The following CCDC138 variants were observed in gnomAD, a reference collection of about 807,000 sequenced individuals.
CCDC138 encodes coiled-coil domain-containing protein 138.
CCDC138 carries 66 observed loss-of-function variants against 82.3 expected under a neutral mutation model. The ratio of observed to expected loss-of-function variants is 0.80; its 90% CI spans 0.66 to 0.98. The LOEUF (loss-of-function observed/expected upper bound fraction) is 0.98, where lower values mean the gene tolerates loss of function less well. CCDC138 is among the 50% of genes least tolerant of loss of function. The pLI is 0.00. For synonymous variants in CCDC138, 297 were observed against 265.4 expected (o/e 1.12, Z -1.16); for missense variants, 816 against 758.9 (o/e 1.08, Z -0.88).
intron 13 of CCDC138, 31 bp downstream of exon 13, chr2:108,857,001 A>C: frequency 7.6e-7 from 1 of 1,309,862 alleles, no homozygotes; most frequent in South Asian, 1.3e-5. Context: ...TGTGTAAAGA[A>C]AGCAGGATGA....
intron 13 of CCDC138, among the ~76,000 whole-genome samples, chr2:108,866,076 T>A (rs1477341989): frequency 6.6e-6 from 1 of 152,194 alleles, no homozygotes; most frequent in Non-Finnish European, 1.5e-5. Flanking sequence ...TTACTGGCTT[T>A]GATGTGACTG....
chr2:108,820,128 C>T (rs1030157729), intron 10 of CCDC138, among the ~76,000 whole-genome samples: 1 of 152,150 alleles, frequency 6.6e-6, no homozygotes, highest in Non-Finnish European at 1.5e-5. Context: ...GAGTCAGAGG[C>T]TGGGCACAGT....
At chr2:108,880,544 C>T (rs771139644), downstream of CCDC138, among the ~76,000 whole-genome samples, 13 of 152,166 alleles carry the variant, frequency 8.5e-5, no homozygotes, top group Non-Finnish European at 1.9e-4. Context: ...GACAGGCTGA[C>T]TCTCTTGTTA....
At chr2:108,821,357 C>CA (rs59575532) in intron 10 of CCDC138, among the ~76,000 whole-genome samples, 10,641 of 151,284 alleles carry the variant, frequency 0.07, 1,269 homozygotes, top group African/African-American at 0.24. Context: ...GACTCCGTCT[C>CA]AAAAAAAATA....
intron 10 of CCDC138, among the ~76,000 whole-genome samples, chr2:108,820,136 A>G (rs755315139): frequency 2.7e-4 from 41 of 152,208 alleles, no homozygotes; most frequent in Non-Finnish European, 5.1e-4. Context: ...GGCTGGGCAC[A>G]GTGGCTTACA....
intron 9 of CCDC138, among the ~76,000 whole-genome samples, chr2:108,813,639 T>TA (rs1684277330): frequency 6.6e-6 from 1 of 152,198 alleles, no homozygotes; most frequent in South Asian, 2.1e-4. Context: ...ATAAATTACA[T>TA]ATGGTAACAT....
chr2:108,818,702 T>A (rs1685173154), intron 10 of CCDC138, among the ~76,000 whole-genome samples: 1 of 152,182 alleles, frequency 6.6e-6, no homozygotes, highest in Non-Finnish European at 1.5e-5. Context: ...ATCTTTTTTT[T>A]GTTATCGGAC....
intron 10 of CCDC138, among the ~76,000 whole-genome samples, chr2:108,822,915 G>A (rs1365026662): frequency 6.6e-6 from 1 of 152,152 alleles, no homozygotes; most frequent in Non-Finnish European, 1.5e-5. Flanking sequence ...CTAGCTAGAT[G>A]AAGGGAGAAA....
intron 10 of CCDC138, among the ~76,000 whole-genome samples, chr2:108,825,007 C>T (rs776189620): frequency 1.3e-5 from 2 of 152,148 alleles, no homozygotes; most frequent in Non-Finnish European, 2.9e-5. Context: ...TGGAACTAGA[C>T]ATATGTATGG....
chr2:108,796,158 C>G (rs965315419), intron 5 of CCDC138, among the ~76,000 whole-genome samples: 3 of 152,150 alleles, frequency 2.0e-5, no homozygotes, highest in African/African-American at 7.2e-5. Context: ...ATGCCATTCT[C>G]CTGCCTCAGC....
chr2:108,832,215 C>T (rs561420831), intron 10 of CCDC138, among the ~76,000 whole-genome samples: 12 of 151,000 alleles, frequency 7.9e-5, no homozygotes, highest in South Asian at 2.1e-4. Context: ...TTAGTAGAGA[C>T]GGGGTTTTAC....
chr2:108,830,794 G>A (rs1455657327), intron 10 of CCDC138, among the ~76,000 whole-genome samples: 2 of 151,346 alleles, frequency 1.3e-5, no homozygotes, highest in African/African-American at 4.9e-5. Context: ...GGCAACAAGA[G>A]CAAAACTCCG....
At chr2:108,836,521 G>C (rs1574144566) in intron 10 of CCDC138, among the ~76,000 whole-genome samples, 1 of 152,176 alleles carries the variant, frequency 6.6e-6, no homozygotes, top group Non-Finnish European at 1.5e-5. Flanking sequence ...CATATACCCA[G>C]AAGTGGGATT....
chr2:108,824,112 G>C (rs1330087771), intron 10 of CCDC138, among the ~76,000 whole-genome samples: 2 of 151,930 alleles, frequency 1.3e-5, no homozygotes, highest in African/African-American at 2.4e-5. Flanking sequence ...AGACATGCAG[G>C]CTACAGTAAA....
At chr2:108,846,132 A>T (rs1690431184) in intron 11 of CCDC138, among the ~76,000 whole-genome samples, 1 of 152,182 alleles carries the variant, frequency 6.6e-6, no homozygotes, top group Non-Finnish European at 1.5e-5. Flanking sequence ...GATGTGCCTG[A>T]TAAGCTGGTT....
chr2:108,826,618 A>G (rs539818127), intron 10 of CCDC138, among the ~76,000 whole-genome samples: 19 of 152,268 alleles, frequency 1.2e-4, no homozygotes, highest in African/African-American at 4.6e-4. Flanking sequence ...CTATTTGTCT[A>G]TCCTTATGCC....
intron 9 of CCDC138, among the ~76,000 whole-genome samples, chr2:108,813,549 A>G (rs1264905347): frequency 1.3e-5 from 2 of 152,198 alleles, no homozygotes; most frequent in African/African-American, 4.8e-5. Flanking sequence ...TTGCTATTAT[A>G]TTTCAGTCAA....
intron 11 of CCDC138, among the ~76,000 whole-genome samples, chr2:108,843,125 T>C (rs913895440): frequency 2.0e-5 from 3 of 152,302 alleles, no homozygotes; most frequent in East Asian, 1.9e-4. Context: ...TCTATCTGTT[T>C]AGAGGACTTC....
At chr2:108,882,153 CAAA>C (rs1219596018) in intron 1 of CCDC138, 12 of 90,178 alleles carry the variant, frequency 1.3e-4, no homozygotes, top group African/African-American at 1.2e-4. Context: ...GACCCTGTCT[CAAA>C]AAAAAAAAAA....
Sources: allele counts gnomAD v4.1 joint callset (sites outside exome capture counted in the v4.1 genomes callset), GRCh38; gene constraint gnomAD v4.1.1; transcripts MANE v1.5; gene names NCBI Gene and HGNC (gene_info 2026-07-23, HGNC 2026-07-21).